The following MAGI3 variants were observed in gnomAD, a reference collection of about 807,000 sequenced individuals.
The protein encoded by MAGI3 is membrane-associated guanylate kinase, WW and PDZ domain-containing protein 3.
A neutral mutation model predicts 121.8 loss-of-function variants in MAGI3; 43 were observed. That is an observed-to-expected ratio of 0.35 (90% CI 0.28 to 0.46). The LOEUF (loss-of-function observed/expected upper bound fraction) is 0.46, where lower values mean the gene tolerates loss of function less well. Ranked by LOEUF, MAGI3 falls within the 20% of genes least tolerant of loss-of-function variation. The pLI, the probability that MAGI3 is intolerant of heterozygous loss-of-function variation, is 1.00. For missense variants in MAGI3, 1,547 were observed against 1,797.3 expected, an observed-to-expected ratio of 0.86 and a Z score of 2.52; for synonymous variants, 553 against 639.3, an observed-to-expected ratio of 0.86 and a Z score of 2.04.
At chr1:113,430,830 A>G (rs1466472723) in intron 1 of MAGI3, among the ~76,000 whole-genome samples, 1 of 152,250 alleles carries the variant, frequency 6.6e-6, no homozygotes, top group Non-Finnish European at 1.5e-5. Context: ...TTAAGCTAGG[A>G]CATGTTCAAA....
chr1:113,620,193 T>C (rs1650735210), intron 8 of MAGI3, among the ~76,000 whole-genome samples: 1 of 152,198 alleles, frequency 6.6e-6, no homozygotes, highest in African/African-American at 2.4e-5. Context: ...ATGGTATCTG[T>C]AACCACTGAG....
intron 2 of MAGI3, among the ~76,000 whole-genome samples, chr1:113,566,032 A>G (rs570367294): frequency 6.6e-6 from 1 of 152,312 alleles, no homozygotes; most frequent in East Asian, 1.9e-4. Flanking sequence ...GTCATTTTTC[A>G]TATCAACTGA....
chr1:113,460,231 TAA>T (rs1182463202), intron 1 of MAGI3, among the ~76,000 whole-genome samples: 1 of 152,020 alleles, frequency 6.6e-6, no homozygotes, highest in African/African-American at 2.4e-5. Flanking sequence ...TCCCTTAATG[TAA>T]AAAACTCTCA....
chr1:113,478,478 C>T (rs1655958143), intron 1 of MAGI3, among the ~76,000 whole-genome samples: 1 of 152,224 alleles, frequency 6.6e-6, no homozygotes, highest in Non-Finnish European at 1.5e-5. Context: ...TTCTAACAGT[C>T]AGTTCCCTCA....
intron 9 of MAGI3, among the ~76,000 whole-genome samples, chr1:113,638,991 T>A (rs1295834534): frequency 6.6e-6 from 1 of 152,204 alleles, no homozygotes; most frequent in African/African-American, 2.4e-5. Flanking sequence ...CTCAGACTGC[T>A]GTGCTAGCAA....
intron 1 of MAGI3, among the ~76,000 whole-genome samples, chr1:113,492,104 A>G (rs1656698785): frequency 6.6e-6 from 1 of 152,218 alleles, no homozygotes; most frequent in Non-Finnish European, 1.5e-5. Context: ...ATGAACACTG[A>G]AGCAGAAATC....
chr1:113,601,633 A>T (rs1174188186), intron 6 of MAGI3, among the ~76,000 whole-genome samples: 1 of 148,444 alleles, frequency 6.7e-6, no homozygotes, highest in East Asian at 1.9e-4. Flanking sequence ...GGGACTGTAA[A>T]CTAGTTCAAC....
At chr1:113,680,370 T>C (rs1648138603) in intron 19 of MAGI3, among the ~76,000 whole-genome samples, 1 of 152,208 alleles carries the variant, frequency 6.6e-6, no homozygotes, top group Admixed American at 6.5e-5. Flanking sequence ...CGAGAGTTGA[T>C]AAGAGGACAG....
chr1:113,541,228 A>G (rs1024062990), intron 1 of MAGI3, among the ~76,000 whole-genome samples: 1 of 152,166 alleles, frequency 6.6e-6, no homozygotes, highest in African/African-American at 2.4e-5. Flanking sequence ...TGACCAATAC[A>G]TTTGTGATGG....
chr1:113,468,137 G>A (rs1655375693), intron 1 of MAGI3, among the ~76,000 whole-genome samples: 1 of 152,112 alleles, frequency 6.6e-6, no homozygotes, highest in Non-Finnish European at 1.5e-5. Context: ...TCTTATAGGT[G>A]GCATAAAGTT....
chr1:113,621,435 C>T (rs1650811781), intron 8 of MAGI3, among the ~76,000 whole-genome samples: 3 of 152,130 alleles, frequency 2.0e-5, no homozygotes, highest in African/African-American at 7.2e-5. Context: ...AGTAAAATTG[C>T]AATAGAATGA....
rs1415739158 is a variant in MAGI3 at position 113,672,578 on chromosome 1, T to C, written c.2919-37T>C. 4 of 1,584,384 alleles carry C rather than the reference T, an allele frequency of 2.5e-6. No homozygotes were observed. The South Asian group carries it at 4.7e-5, about 18-fold the overall frequency. The stretch of plus-strand genomic sequence containing the variant: ...TGCCTTTAGACTGTTTTTCATTTTC[T>C]CAGTTCAGAGAGTGACTTGATTTCT... On this transcript the variant is annotated intron_variant, in intron 17 of 20. Coordinates refer to ENST00000307546, the MANE Select transcript of MAGI3 (RefSeq NM_001142782.2).
Position 113,484,120 on chromosome 1 carries a change from C to G in MAGI3, c.317-65395C>G, listed in dbSNP as rs576186915. On this transcript the variant is annotated intron_variant, in intron 1 of 20. Coordinates refer to ENST00000307546, the MANE Select transcript of MAGI3 (RefSeq NM_001142782.2). ...ATAATTACTTTGAAAAATTGAAAAT[C>G]ACTTTGAAAAATCTGGAGTTTTAAA... is the stretch of plus-strand genomic sequence containing the variant. Among the ~76,000 whole-genome samples, 26 of 152,204 alleles carry G rather than the reference C, an allele frequency of 1.7e-4. 1 individual carries two copies. The South Asian group carries it at 2.9e-3, about 17-fold the overall frequency.
chr1:113,403,509 C>T (rs1208360540), intron 1 of MAGI3: 1 of 152,054 alleles, frequency 6.6e-6, no homozygotes, highest in African/African-American at 2.4e-5. Flanking sequence ...TTAATAGTGG[C>T]TGTGTTTGAC....
intron 9 of MAGI3, among the ~76,000 whole-genome samples, chr1:113,626,263 C>A (rs908427159): frequency 6.6e-6 from 1 of 152,218 alleles, no homozygotes; most frequent in African/African-American, 2.4e-5. Flanking sequence ...CCATGTATCA[C>A]ACTGATTATT....
intron 1 of MAGI3, among the ~76,000 whole-genome samples, chr1:113,543,643 G>A (rs531214157): frequency 7.8e-4 from 119 of 152,134 alleles, no homozygotes; most frequent in Non-Finnish European, 1.0e-3. Context: ...TGAGGCAGGC[G>A]GATCACTTGA....
intron 1 of MAGI3, among the ~76,000 whole-genome samples, chr1:113,536,159 TA>T (rs71090707): frequency 2.1e-3 from 315 of 147,654 alleles, no homozygotes; most frequent in East Asian, 8.1e-3. Context: ...TTTTTTTTTT[TA>T]AAAAAATTTG....
chr1:113,576,126 C>T (rs1647619742), intron 2 of MAGI3, among the ~76,000 whole-genome samples: 1 of 152,186 alleles, frequency 6.6e-6, no homozygotes, highest in Non-Finnish European at 1.5e-5. Context: ...GCTTGCTGGG[C>T]TCTGTGGGAG....
At chr1:113,503,206 C>A (rs1657110073) in intron 1 of MAGI3, among the ~76,000 whole-genome samples, 2 of 40,250 alleles carry the variant, frequency 5.0e-5, no homozygotes, top group Non-Finnish European at 8.1e-5. Context: ...TACCCTAAAA[C>A]TTAGAGTATA....
Sources: allele counts gnomAD v4.1 joint callset (sites outside exome capture counted in the v4.1 genomes callset), GRCh38; gene constraint gnomAD v4.1.1; transcripts MANE v1.5; gene names NCBI Gene and HGNC (gene_info 2026-07-23, HGNC 2026-07-21).